GREB1L: variants seen among roughly 807,000 people sequenced by gnomAD.
GREB1L encodes GREB1 like retinoic acid receptor coactivator.
GREB1L carries 17 observed loss-of-function variants against 200.8 expected under a neutral mutation model. The ratio of observed to expected loss-of-function variants is 0.08; its 90% CI spans 0.06 to 0.13. The LOEUF is 0.13. Among genes scored for constraint, GREB1L ranks in the 10% least tolerant of loss-of-function variants. GREB1L has a pLI of 1.00. For missense variants in GREB1L, 1,657 were observed against 2,367.7 expected (o/e 0.70, Z 6.23); for synonymous variants, 789 against 893.0 (o/e 0.88, Z 2.08).
intron 1 of GREB1L, among the ~76,000 whole-genome samples, chr18:21,260,570 T>C (rs1286366400): frequency 6.6e-6 from 1 of 151,992 alleles, no homozygotes; most frequent in African/African-American, 2.4e-5. Context: ...AAAGGACCAT[T>C]TGTTCCGAGT....
chr18:21,507,340 T>G (rs2037056224), intron 25 of GREB1L, among the ~76,000 whole-genome samples: 1 of 152,202 alleles, frequency 6.6e-6, no homozygotes, highest in African/African-American at 2.4e-5. Context: ...AAACTAGAAT[T>G]AAGGGAAGAA....
At position 21,495,804 on chromosome 18, in the gene GREB1L, A is replaced by G. The variant is rs1308623548; in HGVS notation, c.3146+19A>G. The G allele has an allele frequency of 7.4e-7, 1 of 1,348,122 alleles. No individual in the cohort carries two copies. Among genetic ancestry groups the G allele is most frequent in the East Asian group, 2.5e-5 (1 of 39,906 alleles). The allele number at this position is 1,348,122 out of a possible 1,614,324, so 83.5% of individuals were successfully genotyped here. A position where few individuals can be genotyped will look rare whatever the true frequency, so the allele number is the denominator to read the frequency against. The stretch of plus-strand genomic sequence containing the variant: ...TTCCCAGGTACAGTTTCAATAATTA[A>G]TTCCATTTTTCATCAGTTGCCCAGC... On this transcript the variant is annotated intron_variant, in intron 20 of 32. Transcript: ENST00000424526.
intron 7 of GREB1L, among the ~76,000 whole-genome samples, chr18:21,437,174 C>A (rs549296570): frequency 6.6e-6 from 1 of 152,288 alleles, no homozygotes; most frequent in African/African-American, 2.4e-5. Flanking sequence ...AGTGATCCTA[C>A]TGCCATAACC....
intron 30 of GREB1L, among the ~76,000 whole-genome samples, chr18:21,517,312 C>T (rs1568079888): frequency 6.6e-6 from 1 of 152,152 alleles, no homozygotes; most frequent in Non-Finnish European, 1.5e-5. Context: ...GGATTTAAGC[C>T]TTAACACATC....
At chr18:21,474,058 A>G (rs2035589511) in intron 16 of GREB1L, among the ~76,000 whole-genome samples, 1 of 152,206 alleles carries the variant, frequency 6.6e-6, no homozygotes, top group Admixed American at 6.5e-5. Flanking sequence ...GGGAGCTACA[A>G]GATGAGATTT....
intron 7 of GREB1L, among the ~76,000 whole-genome samples, chr18:21,423,175 C>T (rs769840646): frequency 2.0e-4 from 30 of 152,228 alleles, no homozygotes; most frequent in African/African-American, 6.5e-4. Context: ...GTGATTTGCC[C>T]GCCTGAGCCT....
At chr18:21,268,115 C>T (rs2038002223) in intron 1 of GREB1L, among the ~76,000 whole-genome samples, 1 of 151,938 alleles carries the variant, frequency 6.6e-6, no homozygotes, top group Non-Finnish European at 1.5e-5. Context: ...AAAGTTCTTC[C>T]AGATGCACTA....
intron 5 of GREB1L, among the ~76,000 whole-genome samples, chr18:21,396,601 T>G (rs2041077009): frequency 6.6e-6 from 1 of 152,198 alleles, no homozygotes; most frequent in South Asian, 2.1e-4. Context: ...GTCATATAGA[T>G]AGATATTTCT....
At chr18:21,361,856 G>A (rs1417990856) in intron 1 of GREB1L, among the ~76,000 whole-genome samples, 5 of 152,042 alleles carry the variant, frequency 3.3e-5, no homozygotes, top group African/African-American at 9.7e-5. Flanking sequence ...TGAGCCTTCT[G>A]CAGTGGAGCT....
chr18:21,276,534 G>A (rs2038167344), intron 1 of GREB1L, among the ~76,000 whole-genome samples: 1 of 152,106 alleles, frequency 6.6e-6, no homozygotes, highest in African/African-American at 2.4e-5. Flanking sequence ...CAGCATGCCT[G>A]TTCCACCATC....
chr18:21,469,741 C>T (rs1232026381), intron 15 of GREB1L, among the ~76,000 whole-genome samples: 2 of 152,132 alleles, frequency 1.3e-5, no homozygotes, highest in African/African-American at 4.8e-5. Context: ...TTATTTGTAA[C>T]TTCTTTCTCT....
chr18:21,507,699 A>G (rs1312170283), intron 25 of GREB1L, among the ~76,000 whole-genome samples: 1 of 152,210 alleles, frequency 6.6e-6, no homozygotes, highest in Non-Finnish European at 1.5e-5. Context: ...CAAACCTGAT[A>G]TTTAGAAAGC....
At chr18:21,348,147 G>A (rs533324059) in intron 1 of GREB1L, among the ~76,000 whole-genome samples, 5 of 151,396 alleles carry the variant, frequency 3.3e-5, no homozygotes, top group African/African-American at 1.2e-4. Context: ...GGGTTTCACC[G>A]TGTTAACCAG....
chr18:21,388,754 T>C (rs1179280908), intron 4 of GREB1L, among the ~76,000 whole-genome samples: 1 of 151,864 alleles, frequency 6.6e-6, no homozygotes, highest in Non-Finnish European at 1.5e-5. Context: ...CCGGTTCCTT[T>C]TGACTGTGAC....
rs376513635 is a variant in GREB1L at position 21,287,880 on chromosome 18, C to T, written c.-120+45487C>T. On this transcript the variant is annotated intron_variant, in intron 1 of 32. Transcript: ENST00000424526. ...CATGATCTCGGCTCACTGCAACCTC[C>T]GCCTCCCGGGTTCAAGTGATTCTCT... 1.1e-4 allele frequency among the ~76,000 whole-genome samples: 16 copies of T among 151,272 alleles called. No homozygotes were observed. In the East Asian group the frequency reaches 2.7e-3, roughly 26 times the overall value.
At chr18:21,293,516 A>G (rs1316903734) in intron 1 of GREB1L, among the ~76,000 whole-genome samples, 2 of 152,240 alleles carry the variant, frequency 1.3e-5, no homozygotes, top group Non-Finnish European at 2.9e-5. Flanking sequence ...TTAACCAACT[A>G]ATTAATTAAG....
In GREB1L at chr18:21,289,930, C is replaced by A. The variant is rs1161470177; in HGVS notation, c.-120+47537C>A. Among the ~76,000 whole-genome samples, 4 of 152,184 alleles carry A rather than the reference C, an allele frequency of 2.6e-5. No homozygotes were observed. The South Asian group carries it at 8.3e-4, about 32-fold the overall frequency. On this transcript the variant is annotated intron_variant, in intron 1 of 32. Transcript: ENST00000424526. Reference sequence around the variant, plus strand: ...AGACACATAGTGTTTGTAGAACATGCAAAAAGGGTGCTGTCAGAGCTACTT... The same window carrying A: ...AGACACATAGTGTTTGTAGAACATGAAAAAAGGGTGCTGTCAGAGCTACTT...
chr18:21,510,374 C>T (rs948450272), intron 27 of GREB1L, among the ~76,000 whole-genome samples: 1 of 152,172 alleles, frequency 6.6e-6, no homozygotes, highest in Non-Finnish European at 1.5e-5. Context: ...CCCTCCCTCC[C>T]CTCAGCGTCT....
At chr18:21,312,421 C>G (rs1202352164) in intron 1 of GREB1L, among the ~76,000 whole-genome samples, 3 of 152,102 alleles carry the variant, frequency 2.0e-5, no homozygotes. Context: ...CCACAGTGGT[C>G]GAAGTAATTC....
Sources: gnomAD v4.1 joint callset for allele counts (sites outside exome capture counted in the v4.1 genomes callset) on GRCh38, gnomAD v4.1.1 for gene constraint, MANE v1.5 for transcripts, NCBI Gene and HGNC (gene_info 2026-07-23, HGNC 2026-07-21) for gene names.